Variants in CDH20 observed in about 807,000 individuals in gnomAD.
The protein encoded by CDH20 is cadherin 20.
Under a neutral mutation model 74.2 loss-of-function variants are expected in CDH20, and 29 were observed. The observed-to-expected ratio is 0.39, with a 90% CI of 0.29 to 0.53. CDH20 has a LOEUF of 0.53. Ranked by LOEUF, CDH20 falls within the 20% of genes least tolerant of loss-of-function variation. The pLI is 0.69. For missense variants in CDH20, 988 were observed against 1,048.3 expected (o/e 0.94, Z 0.79); for synonymous variants, 469 against 405.4 (o/e 1.16, Z -1.88).
chr18:61,385,855 G>A (rs1911580253), intron 1 of CDH20, among the ~76,000 whole-genome samples: 1 of 151,704 alleles, frequency 6.6e-6, no homozygotes. Context: ...ACTTGAACCT[G>A]GGAGGTGGAG....
At chr18:61,476,523 TA>T (rs1237351486) in intron 1 of CDH20, among the ~76,000 whole-genome samples, 1 of 152,202 alleles carries the variant, frequency 6.6e-6, no homozygotes, top group Non-Finnish European at 1.5e-5. Context: ...ATTTATTTTA[TA>T]ACAAGAGCTA....
chr18:61,544,012 T>C (rs1913135928), intron 9 of CDH20, among the ~76,000 whole-genome samples: 1 of 152,264 alleles, frequency 6.6e-6, no homozygotes, highest in African/African-American at 2.4e-5. Context: ...ATATGTTATT[T>C]TGATGTCTAA....
At chr18:61,514,774 G>T (rs1911925389) in intron 6 of CDH20, among the ~76,000 whole-genome samples, 1 of 152,046 alleles carries the variant, frequency 6.6e-6, no homozygotes. Flanking sequence ...AGGTGTCAGT[G>T]TGCCTCTGCT....
intron 1 of CDH20, among the ~76,000 whole-genome samples, chr18:61,424,921 C>A (rs886381600): frequency 6.6e-6 from 1 of 152,088 alleles, no homozygotes; most frequent in African/African-American, 2.4e-5. Context: ...GAAAACAAAT[C>A]AATAATTGGA....
chr18:61,356,502 C>T lies in CDH20; in HGVS notation c.-153+22675C>T, dbSNP rs36013721. On this transcript the variant is annotated intron_variant, in intron 1 of 11. Coordinates refer to ENST00000262717, the MANE Select transcript of CDH20 (RefSeq NM_031891.4). ...CTCTTAAGAAAATACTTATTTTCCT[C>T]TACCGCCTAGATATACAAAGGAAAA... 8.8e-3 allele frequency among the ~76,000 whole-genome samples: 1,343 copies of T among 152,244 alleles called. 5 individuals are homozygous for T. The highest frequency in any genetic ancestry group is 0.012 in the Admixed American group (184 of 15,294).
chr18:61,367,757 G>A (rs1302707535), intron 1 of CDH20, among the ~76,000 whole-genome samples: 1 of 152,096 alleles, frequency 6.6e-6, no homozygotes, highest in Non-Finnish European at 1.5e-5. Context: ...GAAATATATT[G>A]TCTTACAATT....
At chr18:61,539,468 T>C (rs1424640616) in intron 9 of CDH20, among the ~76,000 whole-genome samples, 1 of 152,102 alleles carries the variant, frequency 6.6e-6, no homozygotes, top group Non-Finnish European at 1.5e-5. Context: ...AAAAACTATT[T>C]GGAACCTACA....
chr18:61,554,664 G>A lies in CDH20; in HGVS notation c.2375G>A (p.Gly792Glu). ...TTCCGGAAGCTGGCCGAGCTCTACG[G>A]GGCGTCGGAGGGACCCGCGCCGCTG... ...PRFRKLAELY[G>E]ASEGPAPLW The change falls in exon 12 of 12, where the codon GGG becomes GAG. Residue 792 changes from glycine (G) to glutamate (E), a missense_variant. By Grantham distance (98) the Gly-to-Glu change is moderately conservative (BLOSUM62 -2). This residue lies in a region of CDH20 where 375 missense variants were observed against 293.1 expected (regional missense o/e 1.28). Coordinates refer to ENST00000262717, the MANE Select transcript of CDH20 (RefSeq NM_031891.4). The A allele has an allele frequency of 1.9e-6, 3 of 1,586,440 alleles. No homozygotes were observed. Among genetic ancestry groups the A allele is most frequent in the Middle Eastern group, 1.7e-4 (1 of 6,012 alleles).
chr18:61,384,569 G>A (rs1911534788), intron 1 of CDH20, among the ~76,000 whole-genome samples: 1 of 152,094 alleles, frequency 6.6e-6, no homozygotes, highest in South Asian at 2.1e-4. Context: ...ATTGTCTTTC[G>A]ACTATAGTTG....
At chr18:61,366,101 T>C (rs1427904068) in intron 1 of CDH20, among the ~76,000 whole-genome samples, 1 of 152,214 alleles carries the variant, frequency 6.6e-6, no homozygotes, top group East Asian at 1.9e-4. Flanking sequence ...GTGAGATCTT[T>C]ATCAATTAAT....
chr18:61,504,771 T>C (rs1911500519), intron 5 of CDH20, among the ~76,000 whole-genome samples: 1 of 152,070 alleles, frequency 6.6e-6, no homozygotes, highest in Non-Finnish European at 1.5e-5. Context: ...ATAGTTGCAT[T>C]TTGAATCAGC....
intron 1 of CDH20, among the ~76,000 whole-genome samples, chr18:61,430,409 C>T (rs1021049576): frequency 1.3e-5 from 2 of 152,118 alleles, no homozygotes; most frequent in Non-Finnish European, 2.9e-5. Flanking sequence ...ACCAACATGG[C>T]ATCACTGTTG....
chr18:61,485,856 G>A (rs1910743037), intron 1 of CDH20, among the ~76,000 whole-genome samples: 1 of 152,094 alleles, frequency 6.6e-6, no homozygotes, highest in African/African-American at 2.4e-5. Context: ...GGCGGATCAC[G>A]AGGTCAGGAG....
At chr18:61,399,326 C>T (rs1599059189) in intron 1 of CDH20, among the ~76,000 whole-genome samples, 1 of 152,134 alleles carries the variant, frequency 6.6e-6, no homozygotes, top group African/African-American at 2.4e-5. Context: ...AGAAAGTACT[C>T]GAGTAGCCTA....
At chr18:61,544,173 C>A (rs958987544) in intron 9 of CDH20, among the ~76,000 whole-genome samples, 2 of 152,220 alleles carry the variant, frequency 1.3e-5, no homozygotes, top group Non-Finnish European at 2.9e-5. Flanking sequence ...ATCCCCCTTG[C>A]AGAACAGGGG....
intron 11 of CDH20, among the ~76,000 whole-genome samples, chr18:61,553,329 A>T (rs1913500103): frequency 6.6e-6 from 1 of 152,106 alleles, no homozygotes. Context: ...AAACGTTTTC[A>T]GAGAGATAAA....
intron 1 of CDH20, among the ~76,000 whole-genome samples, chr18:61,441,413 A>T (rs9807356): frequency 0.076 from 11,556 of 152,202 alleles, 825 homozygotes; most frequent in East Asian, 0.21. Flanking sequence ...TCATGTGTGT[A>T]AAACATTCTG....
At chr18:61,460,985 T>C (rs982406070) in intron 1 of CDH20, among the ~76,000 whole-genome samples, 1 of 152,202 alleles carries the variant, frequency 6.6e-6, no homozygotes, top group Non-Finnish European at 1.5e-5. Context: ...AAGAATTATA[T>C]GACATTGTTA....
intron 5 of CDH20, among the ~76,000 whole-genome samples, chr18:61,504,033 GAA>G (rs5825445): frequency 1.2e-3 from 189 of 151,574 alleles, no homozygotes; most frequent in African/African-American, 3.9e-3. Flanking sequence ...CTGAATGGAA[GAA>G]AAAAAAAACT....
Sources: gnomAD v4.1 joint callset for allele counts (sites outside exome capture counted in the v4.1 genomes callset) on GRCh38, gnomAD v4.1.1 for gene constraint, gnomAD v4.1.1 regional missense constraint, MANE v1.5 for transcripts, NCBI Gene and HGNC (gene_info 2026-07-23, HGNC 2026-07-21) for gene names.